Variants in SNX24 observed in about 807,000 individuals in gnomAD.
The protein encoded by SNX24 is sorting nexin 24, also known as sorting nexin-24.
SNX24 carries 22 observed loss-of-function variants against 28.7 expected under a neutral mutation model. The ratio of observed to expected loss-of-function variants is 0.77; its 90% CI spans 0.55 to 1.10. The LOEUF is 1.10. Ranked by LOEUF, SNX24 falls within the 50% of genes least tolerant of loss-of-function variation. The probability of loss-of-function intolerance (pLI) is 0.00; values close to 1 mark genes in which losing one functional copy is unlikely to be tolerated. For missense variants in SNX24, 221 were observed against 201.1 expected (o/e 1.10, Z -0.60); for synonymous variants, 69 against 71.5 (o/e 0.96, Z 0.18).
At chr5:122,937,903 A>T (rs553257986) in intron 2 of SNX24, among the ~76,000 whole-genome samples, 96 of 152,254 alleles carry the variant, frequency 6.3e-4, no homozygotes, top group Non-Finnish European at 1.1e-3. Flanking sequence ...GTTTTTGTTT[A>T]TGTGTTTTGG....
At chr5:122,945,292 C>T (rs1407499395) in intron 2 of SNX24, among the ~76,000 whole-genome samples, 1 of 152,190 alleles carries the variant, frequency 6.6e-6, no homozygotes, top group East Asian at 1.9e-4. Context: ...AGAATCTTCC[C>T]ATTTTAAGAC....
At chr5:122,951,124 A>T (rs950080913) in intron 3 of SNX24, among the ~76,000 whole-genome samples, 1 of 151,798 alleles carries the variant, frequency 6.6e-6, no homozygotes, top group Non-Finnish European at 1.5e-5. Context: ...AAAATTAGCC[A>T]GGCGTGGTGG....
Position 122,845,627 on chromosome 5 carries a change from C to T in SNX24, c.-7C>T, listed in dbSNP as rs758469214. On this transcript the variant is annotated 5_prime_UTR_variant, in exon 1 of 7. Coordinates refer to ENST00000261369, the MANE Select transcript of SNX24 (RefSeq NM_014035.4). ...AACTCGCCCTCAGCCGGCTGGCCGG[C>T]GCGGCCATGGAGGTCTACATCCCGT... The T allele has an allele frequency of 1.0e-5, 14 of 1,397,152 alleles. No individual in the cohort carries two copies. The highest frequency in any genetic ancestry group is 1.2e-5 in the Non-Finnish European group (13 of 1,066,832). The allele number at this position is 1,397,152 out of a possible 1,614,324, so 86.5% of individuals were successfully genotyped here. A position where few individuals can be genotyped will look rare whatever the true frequency, so the allele number is the denominator to read the frequency against.
chr5:122,909,753 A>T (rs1239299434), intron 1 of SNX24, among the ~76,000 whole-genome samples: 1 of 152,198 alleles, frequency 6.6e-6, no homozygotes, highest in African/African-American at 2.4e-5. Flanking sequence ...TGAGGTTTCC[A>T]TGGGGCAGAG....
chr5:122,877,822 G>T (rs1246566912), intron 1 of SNX24, among the ~76,000 whole-genome samples: 1 of 151,998 alleles, frequency 6.6e-6, no homozygotes, highest in African/African-American at 2.4e-5. Flanking sequence ...CTCCATTGGT[G>T]GAGTCTTCAA....
At chr5:122,897,570 G>A (rs1032426515) in intron 1 of SNX24, among the ~76,000 whole-genome samples, 5 of 151,996 alleles carry the variant, frequency 3.3e-5, no homozygotes, top group Non-Finnish European at 7.4e-5. Context: ...ATGGAGTGGG[G>A]ATTTTATCAC....
chr5:122,899,713 C>G (rs1290991919), intron 1 of SNX24, among the ~76,000 whole-genome samples: 2 of 152,054 alleles, frequency 1.3e-5, no homozygotes, highest in Admixed American at 1.3e-4. Flanking sequence ...CTGGCCCCCT[C>G]TGTTGAATAG....
intron 6 of SNX24, among the ~76,000 whole-genome samples, chr5:123,005,563 A>G (rs72798761): frequency 6.6e-6 from 1 of 152,312 alleles, no homozygotes; most frequent in Non-Finnish European, 1.5e-5. Context: ...TTTTTTGCTT[A>G]ACTTATTTAG....
intron 3 of SNX24, among the ~76,000 whole-genome samples, chr5:122,980,794 G>A (rs561041121): frequency 6.6e-6 from 1 of 151,850 alleles, no homozygotes; most frequent in Non-Finnish European, 1.5e-5. Flanking sequence ...GGTGGGAAAA[G>A]AGTATTTGGC....
intron 3 of SNX24, among the ~76,000 whole-genome samples, chr5:122,974,459 G>T (rs1292145212): frequency 5.9e-5 from 9 of 152,226 alleles, no homozygotes; most frequent in Non-Finnish European, 1.3e-4. Context: ...TGTATTGCTG[G>T]CCTTGCCAGC....
intron 3 of SNX24, among the ~76,000 whole-genome samples, chr5:122,999,555 G>C (rs150753432): frequency 2.1e-3 from 314 of 151,924 alleles, no homozygotes; most frequent in Middle Eastern, 0.01. Flanking sequence ...CAGTATTATT[G>C]ATGTTGCCAG....
chr5:122,860,347 C>T (rs1224129429), intron 1 of SNX24, among the ~76,000 whole-genome samples: 1 of 152,078 alleles, frequency 6.6e-6, no homozygotes, highest in South Asian at 2.1e-4. Flanking sequence ...GTTTAGTCCT[C>T]ATAATTAACA....
At chr5:122,940,875 A>C (rs1759415905) in intron 2 of SNX24, among the ~76,000 whole-genome samples, 1 of 152,182 alleles carries the variant, frequency 6.6e-6, no homozygotes, top group Non-Finnish European at 1.5e-5. Flanking sequence ...ATCCAGCCTT[A>C]AAATTTATTA....
intron 1 of SNX24, among the ~76,000 whole-genome samples, chr5:122,916,452 T>C (rs567281372): frequency 6.6e-6 from 1 of 152,266 alleles, no homozygotes; most frequent in Non-Finnish European, 1.5e-5. Flanking sequence ...TTCTCACTTT[T>C]CTTAATTCTT....
intron 1 of SNX24, among the ~76,000 whole-genome samples, chr5:122,875,195 T>A (rs1319511746): frequency 6.6e-6 from 1 of 152,222 alleles, no homozygotes; most frequent in Non-Finnish European, 1.5e-5. Context: ...TGACCTAAGT[T>A]ATTTTATCCA....
intron 1 of SNX24, among the ~76,000 whole-genome samples, chr5:122,846,003 T>A (rs998798457): frequency 2.2e-4 from 33 of 152,318 alleles, no homozygotes; most frequent in African/African-American, 7.7e-4. Context: ...CAGGATGGGC[T>A]GCGTTCCTTT....
chr5:123,023,906 G>A (rs770649081), intron 5 of SNX24: 11 of 1,613,538 alleles, frequency 6.8e-6, no homozygotes, highest in Admixed American at 6.7e-5. Context: ...CACAAAAGGC[G>A]TTTTCACGTC....
At chr5:122,942,080 G>A (rs934285659) in intron 2 of SNX24, among the ~76,000 whole-genome samples, 2 of 152,104 alleles carry the variant, frequency 1.3e-5, no homozygotes, top group Non-Finnish European at 2.9e-5. Context: ...TACCTCCCTA[G>A]GCCAAAAATT....
rs565385174 is a variant in SNX24 at position 122,878,197 on chromosome 5, T to C, written c.60+32504T>C. On this transcript the variant is annotated intron_variant, in intron 1 of 6. Coordinates refer to ENST00000261369, the MANE Select transcript of SNX24 (RefSeq NM_014035.4). ...GAAGGTTGGTGCCACTTCCTTGTTTTGTTCACAGAAGTGGTAAGATTCTTT... is the reference window on the plus strand; with the variant it reads ...GAAGGTTGGTGCCACTTCCTTGTTTCGTTCACAGAAGTGGTAAGATTCTTT... Among the ~76,000 whole-genome samples the C allele has an allele frequency of 2.6e-5, 4 of 152,270 alleles. No homozygotes were observed. The South Asian group carries it at 6.2e-4, about 24-fold the overall frequency.
Sources: allele counts gnomAD v4.1 joint callset (sites outside exome capture counted in the v4.1 genomes callset), GRCh38; gene constraint gnomAD v4.1.1; transcripts MANE v1.5; gene names NCBI Gene and HGNC (gene_info 2026-07-23, HGNC 2026-07-21).